Variants in DACH2 observed in about 807,000 individuals in gnomAD.
The protein encoded by DACH2 is dachshund homolog 2.
Under a neutral mutation model 35.8 loss-of-function variants are expected in DACH2, and 17 were observed. That is an observed-to-expected ratio of 0.48 (90% CI 0.33 to 0.71). The LOEUF (loss-of-function observed/expected upper bound fraction) is 0.71, where lower values mean the gene tolerates loss of function less well. Ranked by LOEUF, DACH2 falls within the 30% of genes least tolerant of loss-of-function variation. DACH2 has a pLI of 0.02. For missense variants in DACH2, 469 were observed against 472.7 expected, an observed-to-expected ratio of 0.99 and a Z score of 0.07; for synonymous variants, 195 against 177.3, an observed-to-expected ratio of 1.10 and a Z score of -0.79.
chrX:86,573,568 T>C (rs1417419260), intron 3 of DACH2, among the ~76,000 whole-genome samples: 2 of 111,593 alleles, frequency 1.8e-5, no homozygotes, highest in Non-Finnish European at 3.8e-5. Context: ...CAGGCTTGTA[T>C]TGGCATCTCC....
At chrX:86,817,448 G>C (rs757920310) in intron 11 of DACH2, among the ~76,000 whole-genome samples, 79 of 111,191 alleles carry the variant, frequency 7.1e-4, no homozygotes, top group Non-Finnish European at 1.2e-3. Context: ...TGAAGCATTT[G>C]ATCCCTTCTG....
At chrX:86,685,367 A>T (rs1290017790) in intron 4 of DACH2, among the ~76,000 whole-genome samples, 1 of 112,083 alleles carries the variant, frequency 8.9e-6, no homozygotes, top group African/African-American at 3.2e-5. Context: ...TTCATATCTT[A>T]AATATTAGTG....
intron 3 of DACH2, among the ~76,000 whole-genome samples, chrX:86,616,850 C>G (rs1302611174): frequency 8.9e-6 from 1 of 111,743 alleles, no homozygotes; most frequent in Non-Finnish European, 1.9e-5. Flanking sequence ...TTTCTATGTC[C>G]ACAATGGTAT....
chrX:86,620,487 A>G (rs1400561287), intron 3 of DACH2, among the ~76,000 whole-genome samples: 2 of 111,685 alleles, frequency 1.8e-5, no homozygotes, highest in Non-Finnish European at 3.8e-5. Context: ...ATGAGAGACG[A>G]TAACTGCTAA....
intron 7 of DACH2, among the ~76,000 whole-genome samples, chrX:86,773,863 A>G (rs755329409): frequency 2.0e-4 from 22 of 111,887 alleles, no homozygotes; most frequent in Non-Finnish European, 3.9e-4. Flanking sequence ...TTTGTGATTC[A>G]TTCCTAGCTC....
intron 2 of DACH2, among the ~76,000 whole-genome samples, chrX:86,485,968 G>A (rs1043352956): frequency 9.0e-6 from 1 of 111,721 alleles, no homozygotes; most frequent in African/African-American, 3.3e-5. Flanking sequence ...GTGACCTTGG[G>A]CAGAGCAATT....
chrX:86,777,472 A>G (rs58348793), intron 7 of DACH2, among the ~76,000 whole-genome samples: 4,706 of 111,522 alleles, frequency 0.042, 266 homozygotes, highest in African/African-American at 0.15. Context: ...TTGAAAATTT[A>G]TTGGAAGACA....
intron 3 of DACH2, among the ~76,000 whole-genome samples, chrX:86,541,646 A>G (rs1388447369): frequency 9.0e-6 from 1 of 111,682 alleles, no homozygotes; most frequent in Non-Finnish European, 1.9e-5. Context: ...AGTCAATAAT[A>G]TTTAATTCAT....
At chrX:86,325,889 G>A (rs761904520) in intron 1 of DACH2, among the ~76,000 whole-genome samples, 5 of 111,044 alleles carry the variant, frequency 4.5e-5, no homozygotes, top group East Asian at 5.7e-4. Flanking sequence ...TACTAGCAGC[G>A]ATTTTGGTTA....
At chrX:86,646,798 T>G (rs1021916417) in intron 3 of DACH2, among the ~76,000 whole-genome samples, 1 of 109,830 alleles carries the variant, frequency 9.1e-6, no homozygotes, top group Non-Finnish European at 1.9e-5. Context: ...TATGGATGTA[T>G]GAAACTGACA....
chrX:86,345,871 G>A (rs2148066013), intron 1 of DACH2, among the ~76,000 whole-genome samples: 1 of 111,682 alleles, frequency 9.0e-6, no homozygotes, highest in South Asian at 3.8e-4. Context: ...TAAAAGAACA[G>A]GGAAAAATAC....
chrX:86,644,798 AAAAC>A (rs1412658905), intron 3 of DACH2, among the ~76,000 whole-genome samples: 1 of 111,317 alleles, frequency 9.0e-6, no homozygotes, highest in Non-Finnish European at 1.9e-5. Flanking sequence ...ATAGCTGACA[AAAAC>A]AAGCAATGGG....
intron 4 of DACH2, among the ~76,000 whole-genome samples, chrX:86,682,522 A>G (rs1231317361): frequency 8.9e-6 from 1 of 111,966 alleles, no homozygotes; most frequent in Non-Finnish European, 1.9e-5. Flanking sequence ...TCAGGCTCAC[A>G]GTGTGTGTTC....
chrX:86,334,834 A>G (rs1307311568), intron 1 of DACH2, among the ~76,000 whole-genome samples: 2 of 112,027 alleles, frequency 1.8e-5, no homozygotes, highest in East Asian at 5.6e-4. Flanking sequence ...GTGTGTGCCC[A>G]TGCCTATGTC....
chrX:86,390,354 C>A (rs1054850571), intron 2 of DACH2, among the ~76,000 whole-genome samples: 4 of 111,186 alleles, frequency 3.6e-5, no homozygotes, highest in African/African-American at 1.3e-4. Context: ...ATGATAATAT[C>A]CTTATACAGG....
chrX:86,442,934 G>T (rs1461004032), intron 2 of DACH2, among the ~76,000 whole-genome samples: 2 of 111,723 alleles, frequency 1.8e-5, no homozygotes, highest in African/African-American at 6.5e-5. Context: ...ATGGGTCTAT[G>T]TGTCTGTTTT....
intron 2 of DACH2, among the ~76,000 whole-genome samples, chrX:86,486,643 T>C (rs1277376929): frequency 1.8e-5 from 2 of 111,489 alleles, no homozygotes; most frequent in Non-Finnish European, 3.8e-5. Flanking sequence ...TTATTAGAAA[T>C]TAAAGATGGA....
At chrX:86,667,907 G>GA (rs920902977) in intron 4 of DACH2, among the ~76,000 whole-genome samples, 6 of 111,684 alleles carry the variant, frequency 5.4e-5, no homozygotes, top group East Asian at 5.6e-4. Flanking sequence ...TAAATAAAGT[G>GA]AAAAAAATGT....
intron 1 of DACH2, among the ~76,000 whole-genome samples, chrX:86,156,674 A>T (rs1329241368): frequency 9.0e-6 from 1 of 111,218 alleles, no homozygotes; most frequent in African/African-American, 3.3e-5. Context: ...TAATTAATGA[A>T]TAAAGTGAGC....
Sources: gnomAD v4.1 joint callset for allele counts (sites outside exome capture counted in the v4.1 genomes callset) on GRCh38, gnomAD v4.1.1 for gene constraint, MANE v1.5 for transcripts, NCBI Gene and HGNC (gene_info 2026-07-23, HGNC 2026-07-21) for gene names.